The following STT3B variants were observed in gnomAD, a reference collection of about 807,000 sequenced individuals.
STT3B encodes STT3 oligosaccharyltransferase complex catalytic subunit B, also known as dolichyl-diphosphooligosaccharide--protein glycosyltransferase subunit STT3B.
In STT3B, 29 loss-of-function variants were observed where a neutral mutation model predicts 96.8. The ratio of observed to expected loss-of-function variants is 0.30; its 90% CI spans 0.22 to 0.41. The LOEUF (loss-of-function observed/expected upper bound fraction) is 0.41. Ranked by LOEUF, STT3B falls within the 10% of genes least tolerant of loss-of-function variation. The pLI is 1.00. For missense variants in STT3B, 640 were observed against 1,022.3 expected, an observed-to-expected ratio of 0.63 and a Z score of 5.10; for synonymous variants, 367 against 360.0, an observed-to-expected ratio of 1.02 and a Z score of -0.22.
intron 1 of STT3B, among the ~76,000 whole-genome samples, chr3:31,549,259 T>G (rs1309609464): frequency 1.3e-5 from 2 of 151,636 alleles, no homozygotes; most frequent in East Asian, 3.9e-4. Flanking sequence ...AGGAACATAC[T>G]TTTTTTTTCA....
At chr3:31,540,204 CAAAT>C (rs1188616128) in intron 1 of STT3B, among the ~76,000 whole-genome samples, 2 of 152,042 alleles carry the variant, frequency 1.3e-5, no homozygotes, top group Non-Finnish European at 2.9e-5. Flanking sequence ...GATTTGGAAA[CAAAT>C]AGAGCTTTTG....
intron 1 of STT3B, among the ~76,000 whole-genome samples, chr3:31,553,927 ATTTGAGATCTATAAT>A (rs372469340): frequency 0.025 from 3,764 of 152,244 alleles, 61 homozygotes; most frequent in Non-Finnish European, 0.037. Flanking sequence ...GTGAATAGTT[ATTTGAGATCTATAAT>A]CTATTCATAG....
rs1252340716 is a variant in STT3B at position 31,629,219 on chromosome 3, A to C, written c.2074-79A>C. On this transcript the variant is annotated intron_variant, in intron 13 of 15. Coordinates refer to ENST00000295770, the MANE Select transcript of STT3B (RefSeq NM_178862.3). ...AGATACCTCAGAAGCTTATTCTTAC[A>C]GGGAAATGAAAAGAGGAAACTGTAG... 3 of 802,812 alleles carry C rather than the reference A, an allele frequency of 3.7e-6. No homozygotes were observed. The East Asian group carries it at 7.9e-5, about 21-fold the overall frequency. The allele number at this position is 802,812 out of a possible 1,614,324, so 49.7% of individuals were successfully genotyped here. A position where few individuals can be genotyped will look rare whatever the true frequency, so the allele number is the denominator to read the frequency against.
intron 7 of STT3B, among the ~76,000 whole-genome samples, chr3:31,617,434 T>G (rs908574368): frequency 5.9e-5 from 9 of 151,986 alleles, no homozygotes; most frequent in Non-Finnish European, 2.9e-5. Flanking sequence ...GGATTCTAAG[T>G]TACCCTCTAA....
chr3:31,545,260 C>T (rs957836446), intron 1 of STT3B, among the ~76,000 whole-genome samples: 1 of 152,068 alleles, frequency 6.6e-6, no homozygotes, highest in Non-Finnish European at 1.5e-5. Context: ...AAAGGAAGAT[C>T]TTTTCACCTG....
chr3:31,573,222 T>C (rs886986224), intron 1 of STT3B, among the ~76,000 whole-genome samples: 1 of 152,196 alleles, frequency 6.6e-6, no homozygotes, highest in Non-Finnish European at 1.5e-5. Context: ...TTGACCATTA[T>C]GTTAAGAAGT....
intron 1 of STT3B, among the ~76,000 whole-genome samples, chr3:31,560,952 C>A (rs1393420589): frequency 6.6e-6 from 1 of 151,782 alleles, no homozygotes; most frequent in Admixed American, 6.6e-5. Flanking sequence ...AAATTTATTT[C>A]TTTATTTTTG....
chr3:31,582,194 T>C (rs1698420565), intron 3 of STT3B, among the ~76,000 whole-genome samples: 2 of 152,104 alleles, frequency 1.3e-5, no homozygotes, highest in Admixed American at 6.5e-5. Flanking sequence ...TTAGTGTATA[T>C]GCTGCTGAAG....
Position 31,624,964 on chromosome 3 carries a change from A to G in STT3B, c.1778A>G (p.Gln593Arg). 2 of 1,613,812 alleles carry G rather than the reference A, an allele frequency of 1.2e-6. No homozygotes were observed. Among genetic ancestry groups the G allele is most frequent in the Non-Finnish European group, 1.7e-6 (2 of 1,179,840 alleles). ...AGAGAAGCTTACTTTTGGCTAAGGC[A>G]AAATACAGATGAACATGCACGAGTA... ...DFREAYFWLRQNTDEHARVMS... is the reference protein window; with the variant it reads ...DFREAYFWLRRNTDEHARVMS... The change falls in exon 12 of 16, where the codon CAA becomes CGA. Residue 593 changes from glutamine (Q) to arginine (R), a missense_variant. Coordinates refer to ENST00000295770, the MANE Select transcript of STT3B (RefSeq NM_178862.3).
chr3:31,581,993 A>G (rs1199139560), intron 3 of STT3B, among the ~76,000 whole-genome samples: 1 of 152,184 alleles, frequency 6.6e-6, no homozygotes, highest in East Asian at 1.9e-4. Context: ...AAGACTTGAT[A>G]ATACTCTCTT....
chr3:31,580,215 T>G, intron 3 of STT3B, 119 bp downstream of exon 3: 1 of 915,942 alleles, frequency 1.1e-6, no homozygotes, highest in Middle Eastern at 3.5e-4. Flanking sequence ...AGATCTGTAT[T>G]ACTGTTCATA....
chr3:31,630,623 A>G (rs896097353), intron 14 of STT3B, among the ~76,000 whole-genome samples: 6 of 152,106 alleles, frequency 3.9e-5, no homozygotes, highest in Admixed American at 3.9e-4. Context: ...TATTAGTTTC[A>G]CTGAAAACTG....
intron 1 of STT3B, among the ~76,000 whole-genome samples, chr3:31,568,320 CATG>C (rs1341908824): frequency 6.6e-6 from 1 of 152,142 alleles, no homozygotes; most frequent in African/African-American, 2.4e-5. Flanking sequence ...CTGCAATAAA[CATG>C]AGAGTGCAGG....
chr3:31,582,334 G>T (rs1698425850), intron 3 of STT3B, among the ~76,000 whole-genome samples: 2 of 132,212 alleles, frequency 1.5e-5, no homozygotes, highest in Non-Finnish European at 1.6e-5. Flanking sequence ...GTCTTGCTCT[G>T]TTGCCCAGGC....
chr3:31,626,117 A>G lies in STT3B; in HGVS notation c.2063A>G (p.Lys688Arg). 1.2e-6 allele frequency: 2 copies of G among 1,612,830 alleles called. No homozygotes were observed. The highest frequency in any genetic ancestry group is 1.1e-5 in the South Asian group (1 of 90,770). The change falls in exon 13 of 16, where the codon AAA (lysine) becomes AGA (arginine). Residue 688 changes from lysine (K) to arginine (R), a missense_variant. Transcript: ENST00000295770. The stretch of plus-strand genomic sequence containing the variant: ...AGGATAGCTGAAGGAGAACATCCCA[A>G]AGACATTCGGGTAAGAAACTAGATA... ...MVRIAEGEHP[K>R]DIRESDYFTP...
chr3:31,533,228 T>A lies in STT3B; in HGVS notation c.230T>A (p.Leu77His). ...CAGTCGCTTCTCTCCTTCACCATCC[T>A]CTTCCTGGCCTGGCTTGCCGGCTTC... ...GWQSLLSFTI[L>H]FLAWLAGFSS... Residue 77 changes from leucine (L) to histidine (H), a missense_variant, in exon 1 of 16, where the codon CTC becomes CAC. Coordinates refer to ENST00000295770, the MANE Select transcript of STT3B (RefSeq NM_178862.3). 1.4e-6 allele frequency: 2 copies of A among 1,475,796 alleles called. No individual in the cohort carries two copies. Among genetic ancestry groups the A allele is most frequent in the Non-Finnish European group, 1.8e-6 (2 of 1,108,302 alleles). 91.4% of individuals were successfully genotyped at this position (1,475,796 alleles called of 1,614,324 possible). A position where few individuals can be genotyped will look rare whatever the true frequency, so the allele number is the denominator to read the frequency against.
At chr3:31,551,261 A>G (rs9877170) in intron 1 of STT3B, among the ~76,000 whole-genome samples, 139,828 of 151,872 alleles carry the variant, frequency 0.92, 64,539 homozygotes, top group East Asian at 0.96. Flanking sequence ...TGTCACCCAC[A>G]GTGGAGTGCA....
At chr3:31,538,011 C>T (rs1285868845) in intron 1 of STT3B, among the ~76,000 whole-genome samples, 1 of 152,118 alleles carries the variant, frequency 6.6e-6, no homozygotes, top group East Asian at 1.9e-4. Flanking sequence ...AGTGAAAATA[C>T]TGCAGTTAAC....
chr3:31,620,148 G>A (rs111454753), intron 9 of STT3B: 9,025 of 325,674 alleles, frequency 0.028, 801 homozygotes, highest in African/African-American at 0.18. Context: ...GGTGGTGCAT[G>A]CCTGTAATCC....
Sources: allele counts gnomAD v4.1 joint callset (sites outside exome capture counted in the v4.1 genomes callset), GRCh38; gene constraint gnomAD v4.1.1; transcripts MANE v1.5; gene names NCBI Gene and HGNC (gene_info 2026-07-23, HGNC 2026-07-21).